FAM168A: variants seen among roughly 807,000 people sequenced by gnomAD.
The protein encoded by FAM168A is family with sequence similarity 168 member A, also known as protein FAM168A.
FAM168A carries 3 observed loss-of-function variants against 28.5 expected under a neutral mutation model. That is an observed-to-expected ratio of 0.11 (90% confidence interval 0.05 to 0.27). The LOEUF is 0.27. FAM168A is among the 10% of genes least tolerant of loss of function. The pLI, the probability that FAM168A is intolerant of heterozygous loss-of-function variation, is 1.00. For synonymous variants in FAM168A, 122 were observed against 124.2 expected (o/e 0.98, Z 0.12); for missense variants, 222 against 311.5 (o/e 0.71, Z 2.16).
intron 2 of FAM168A, among the ~76,000 whole-genome samples, chr11:73,448,041 C>T (rs543595129): frequency 1.2e-4 from 18 of 151,470 alleles, no homozygotes; most frequent in African/African-American, 3.9e-4. Context: ...TGTCAAGTTA[C>T]TTTTTGTTTG....
Position 73,490,109 on chromosome 11 carries a change from T to C in FAM168A, c.-18-21617A>G, listed in dbSNP as rs540627168. On this transcript the variant is annotated intron_variant, in intron 1 of 7. Coordinates refer to ENST00000356467, the MANE Select transcript of FAM168A (RefSeq NM_015159.3). ...CTGAATTGCAACTCCATGCTTTTAA[T>C]TGCACAGATAAAAATTTTGGTGTTG... 7.2e-5 allele frequency among the ~76,000 whole-genome samples: 11 copies of C among 152,368 alleles called. No homozygotes were observed. The South Asian group carries it at 2.1e-3, about 29-fold the overall frequency.
At chr11:73,561,737 T>A (rs1158994366) in intron 1 of FAM168A, among the ~76,000 whole-genome samples, 2 of 152,142 alleles carry the variant, frequency 1.3e-5, no homozygotes, top group Admixed American at 6.6e-5. Flanking sequence ...CAAACCAAGA[T>A]CTTTATGAGG....
At chr11:73,560,387 G>A (rs1257231750) in intron 1 of FAM168A, among the ~76,000 whole-genome samples, 2 of 152,100 alleles carry the variant, frequency 1.3e-5, no homozygotes, top group African/African-American at 4.8e-5. Flanking sequence ...TTTTGCTAAG[G>A]TGTGTGAAGA....
At chr11:73,507,938 C>T (rs1855148076) in intron 1 of FAM168A, among the ~76,000 whole-genome samples, 1 of 151,904 alleles carries the variant, frequency 6.6e-6, no homozygotes, top group African/African-American at 2.4e-5. Context: ...CCTGGGTATA[C>T]CGAGGGACAA....
intron 1 of FAM168A, among the ~76,000 whole-genome samples, chr11:73,541,673 A>C (rs1943660163): frequency 6.6e-6 from 1 of 152,146 alleles, no homozygotes; most frequent in Non-Finnish European, 1.5e-5. Context: ...CCCGGCTCCT[A>C]AACTTCTTTA....
chr11:73,430,593 A>G, intron 3 of FAM168A, 97 bp downstream of exon 3: 1 of 1,158,388 alleles, frequency 8.6e-7, no homozygotes, highest in South Asian at 1.2e-5. Context: ...GCCCGGAGCA[A>G]TTAAGAACAG....
chr11:73,516,937 A>G (rs775893564), intron 1 of FAM168A, among the ~76,000 whole-genome samples: 1 of 152,216 alleles, frequency 6.6e-6, no homozygotes, highest in African/African-American at 2.4e-5. Context: ...GGAGTTTACT[A>G]TCTAGTGGGA....
chr11:73,457,723 C>CAAAAAAAAAAAAA (rs58142151), intron 2 of FAM168A, among the ~76,000 whole-genome samples: 66 of 37,560 alleles, frequency 1.8e-3, no homozygotes, highest in Non-Finnish European at 3.8e-3. Flanking sequence ...GCCTGGGTGA[C>CAAAAAAAAAAAAA]AAAAAAAAAA....
At chr11:73,517,316 C>A (rs1943317629) in intron 1 of FAM168A, among the ~76,000 whole-genome samples, 1 of 152,154 alleles carries the variant, frequency 6.6e-6, no homozygotes, top group African/African-American at 2.4e-5. Flanking sequence ...CAGGTGTAAA[C>A]CACCACACCC....
At chr11:73,558,388 G>A (rs960564590) in intron 1 of FAM168A, among the ~76,000 whole-genome samples, 1 of 148,872 alleles carries the variant, frequency 6.7e-6, no homozygotes, top group Non-Finnish European at 1.5e-5. Context: ...AGGATCACTT[G>A]AGCCCAGGAA....
chr11:73,421,416 T>C (rs1271263144), intron 3 of FAM168A, among the ~76,000 whole-genome samples: 3 of 152,184 alleles, frequency 2.0e-5, no homozygotes, highest in Non-Finnish European at 4.4e-5. Context: ...CAGCAATATA[T>C]ACAGCAGATG....
chr11:73,587,831 C>A (rs1048782230), intron 1 of FAM168A, among the ~76,000 whole-genome samples: 3 of 151,896 alleles, frequency 2.0e-5, no homozygotes, highest in African/African-American at 4.8e-5. Flanking sequence ...ATCACTGCAA[C>A]CTCTGCCTCT....
At chr11:73,562,645 G>A (rs1227495301) in intron 1 of FAM168A, among the ~76,000 whole-genome samples, 3 of 152,048 alleles carry the variant, frequency 2.0e-5, no homozygotes, top group Admixed American at 6.6e-5. Context: ...TGGCCAACAC[G>A]GTGAAACCCT....
chr11:73,533,962 C>T (rs995652800), intron 1 of FAM168A, among the ~76,000 whole-genome samples: 1 of 152,118 alleles, frequency 6.6e-6, no homozygotes, highest in Non-Finnish European at 1.5e-5. Context: ...TAAGGTCACA[C>T]AGCTTGTTAA....
chr11:73,420,258 CA>C (rs992923927), intron 3 of FAM168A, among the ~76,000 whole-genome samples: 1 of 152,186 alleles, frequency 6.6e-6, no homozygotes, highest in African/African-American at 2.4e-5. Flanking sequence ...ACTAAAACCA[CA>C]AAGATGCCCA....
chr11:73,404,890 A>G lies in FAM168A; in HGVS notation c.*1873T>C, dbSNP rs903785304. 1 of 152,258 alleles carries G rather than the reference A, an allele frequency of 6.6e-6. No homozygotes were observed. The highest frequency in any genetic ancestry group is 6.5e-5 in the Admixed American group (1 of 15,288). The allele number at this position is 152,258 out of a possible 1,614,324, so 9.4% of individuals were successfully genotyped here. A position where few individuals can be genotyped will look rare whatever the true frequency, so the allele number is the denominator to read the frequency against. On this transcript the variant is annotated 3_prime_UTR_variant, in exon 8 of 8. Transcript: ENST00000356467. The stretch of plus-strand genomic sequence containing the variant: ...TTTAAAGTCCCAAATGTTGTCAATG[A>G]TCCCATTTTTTACAATAAAATGTTC...
chr11:73,585,740 C>T (rs914205843), intron 1 of FAM168A, among the ~76,000 whole-genome samples: 15 of 151,814 alleles, frequency 9.9e-5, no homozygotes, highest in Admixed American at 2.0e-4. Flanking sequence ...TGGTGGCACG[C>T]GCCCGTAAAC....
intron 1 of FAM168A, among the ~76,000 whole-genome samples, chr11:73,540,625 C>T (rs1009393511): frequency 6.6e-5 from 10 of 152,316 alleles, no homozygotes; most frequent in Admixed American, 1.3e-4. Context: ...ATTATATCTT[C>T]TCATGGCTTA....
At chr11:73,565,497 T>C (rs2134711898) in intron 1 of FAM168A, among the ~76,000 whole-genome samples, 1 of 152,290 alleles carries the variant, frequency 6.6e-6, no homozygotes, top group African/African-American at 2.4e-5. Flanking sequence ...TGTGTGACCC[T>C]GAGCAAGTCA....
Sources: gnomAD v4.1 joint callset for allele counts (sites outside exome capture counted in the v4.1 genomes callset) on GRCh38, gnomAD v4.1.1 for gene constraint, MANE v1.5 for transcripts, NCBI Gene and HGNC (gene_info 2026-07-23, HGNC 2026-07-21) for gene names.